The following CDK14 variants were observed in gnomAD, a reference collection of about 807,000 sequenced individuals.
The protein encoded by CDK14 is cyclin-dependent kinase 14.
CDK14 carries 34 observed loss-of-function variants against 60.7 expected under a neutral mutation model. The observed-to-expected ratio is 0.56, with a 90% CI of 0.43 to 0.75. The LOEUF (loss-of-function observed/expected upper bound fraction) is 0.75, where lower values mean the gene tolerates loss of function less well. Among genes scored for constraint, CDK14 ranks in the 30% least tolerant of loss-of-function variants. CDK14 has a pLI of 0.00. For synonymous variants in CDK14, 197 were observed against 203.7 expected (o/e 0.97, Z 0.28); for missense variants, 482 against 564.1 (o/e 0.85, Z 1.47).
intron 14 of CDK14, among the ~76,000 whole-genome samples, chr7:91,131,518 T>C (rs1230372371): frequency 6.6e-6 from 1 of 152,122 alleles, no homozygotes; most frequent in Non-Finnish European, 1.5e-5. Flanking sequence ...AACAAGGCTG[T>C]CTAATGTCAG....
intron 5 of CDK14, among the ~76,000 whole-genome samples, chr7:90,820,641 C>G (rs1220612680): frequency 6.6e-6 from 1 of 152,164 alleles, no homozygotes; most frequent in Non-Finnish European, 1.5e-5. Flanking sequence ...TACCCAGTCT[C>G]AGGTAGTTCT....
intron 5 of CDK14, among the ~76,000 whole-genome samples, chr7:90,815,600 A>G (rs1471672920): frequency 1.3e-5 from 2 of 151,328 alleles, no homozygotes; most frequent in African/African-American, 2.4e-5. Context: ...TCATTTTACT[A>G]TAAAGACACA....
chr7:90,931,037 A>G (rs1793577291), intron 8 of CDK14, among the ~76,000 whole-genome samples: 1 of 152,182 alleles, frequency 6.6e-6, no homozygotes, highest in African/African-American at 2.4e-5. Flanking sequence ...GATTTTTATT[A>G]TGATCAGTGA....
intron 6 of CDK14, 65 bp from the exon 7 acceptor site, chr7:90,899,226 G>A: frequency 3.8e-6 from 5 of 1,300,198 alleles, no homozygotes; most frequent in Non-Finnish European, 5.3e-6. Context: ...TTTGAAGTAG[G>A]AAAATATTGA....
intron 4 of CDK14, among the ~76,000 whole-genome samples, chr7:90,779,314 A>G (rs1273491350): frequency 6.6e-6 from 1 of 152,148 alleles, no homozygotes; most frequent in East Asian, 1.9e-4. Flanking sequence ...AGTGCGTGGT[A>G]CAATCATAGC....
intron 6 of CDK14, among the ~76,000 whole-genome samples, chr7:90,873,091 A>G (rs1266571972): frequency 6.6e-6 from 1 of 152,172 alleles, no homozygotes; most frequent in Non-Finnish European, 1.5e-5. Flanking sequence ...ATATGTCTTA[A>G]GAAAACAATA....
At chr7:91,063,073 T>G (rs867175876) in intron 11 of CDK14, among the ~76,000 whole-genome samples, 1 of 152,172 alleles carries the variant, frequency 6.6e-6, no homozygotes, top group Non-Finnish European at 1.5e-5. Flanking sequence ...TATCATCCAC[T>G]CATGAAAGTT....
intron 2 of CDK14, among the ~76,000 whole-genome samples, chr7:90,717,938 C>T (rs140015419): frequency 1.3e-5 from 2 of 152,030 alleles, no homozygotes; most frequent in Middle Eastern, 3.4e-3. Flanking sequence ...GAGCTCCCCC[C>T]ACCCCACCAA....
At chr7:91,199,350 A>G (rs1340097013) in intron 14 of CDK14, among the ~76,000 whole-genome samples, 1 of 152,168 alleles carries the variant, frequency 6.6e-6, no homozygotes, top group Non-Finnish European at 1.5e-5. Flanking sequence ...AAAAGATTAA[A>G]CATGCCTTGG....
chr7:90,876,547 A>G (rs916896988), intron 6 of CDK14, among the ~76,000 whole-genome samples: 1 of 152,140 alleles, frequency 6.6e-6, no homozygotes, highest in African/African-American at 2.4e-5. Flanking sequence ...GAGCCTTTTG[A>G]TTGTTCTCCG....
chr7:90,985,229 A>G (rs1795339953), intron 10 of CDK14, among the ~76,000 whole-genome samples: 1 of 152,172 alleles, frequency 6.6e-6, no homozygotes, highest in South Asian at 2.1e-4. Flanking sequence ...TTCTGGAGCC[A>G]GACTATCTGG....
intron 12 of CDK14, among the ~76,000 whole-genome samples, chr7:91,101,865 AT>A (rs1487338647): frequency 1.6e-5 from 2 of 122,850 alleles, no homozygotes; most frequent in Non-Finnish European, 4.1e-5. Flanking sequence ...AAAGTAAGTC[AT>A]TTTTTGAAAA....
intron 2 of CDK14, among the ~76,000 whole-genome samples, chr7:90,662,573 T>G (rs1441246018): frequency 6.6e-6 from 1 of 152,252 alleles, no homozygotes; most frequent in Admixed American, 6.5e-5. Context: ...AGTTAACCTC[T>G]CTGTGCTTCA....
intron 6 of CDK14, among the ~76,000 whole-genome samples, chr7:90,896,280 G>A (rs115475853): frequency 0.01 from 1,524 of 151,554 alleles, 24 homozygotes; most frequent in African/African-American, 0.035. Flanking sequence ...TTAACTTTTT[G>A]TACATTTTTA....
intron 14 of CDK14, among the ~76,000 whole-genome samples, chr7:91,152,414 G>A (rs1800852278): frequency 6.6e-6 from 1 of 152,160 alleles, no homozygotes; most frequent in African/African-American, 2.4e-5. Flanking sequence ...AGTGGATATA[G>A]AACATATTCT....
At chr7:91,099,893 G>A (rs1799104513) in intron 12 of CDK14, among the ~76,000 whole-genome samples, 1 of 152,122 alleles carries the variant, frequency 6.6e-6, no homozygotes, top group Non-Finnish European at 1.5e-5. Context: ...ATGCTGACTT[G>A]TGAGGTTAGA....
At chr7:90,974,759 G>A (rs996698617) in intron 9 of CDK14, among the ~76,000 whole-genome samples, 1 of 152,110 alleles carries the variant, frequency 6.6e-6, no homozygotes. Flanking sequence ...TGCATCAAAT[G>A]CAGATTTTTT....
At chr7:91,175,518 T>G (rs1801704606) in intron 14 of CDK14, among the ~76,000 whole-genome samples, 1 of 152,130 alleles carries the variant, frequency 6.6e-6, no homozygotes, top group South Asian at 2.1e-4. Context: ...ACTGGCAAAT[T>G]GAATAAAGAG....
chr7:90,596,663 G>T lies in CDK14; in HGVS notation c.36G>T (p.Lys12Asn), dbSNP rs752104845. The T allele has an allele frequency of 2.5e-6, 4 of 1,612,252 alleles. No homozygotes were observed. The Admixed American group carries it at 5.0e-5, about 20-fold the overall frequency. The stretch of plus-strand genomic sequence containing the variant: ...TCATTGAGCCGCAGCCGGCCGAGAA[G>T]ATCGGCAAGATGAAGAAGTTGCGGA... ...CDLIEPQPAE[K>N]IGKMKKLRRT... Residue 12 changes from lysine (K) to asparagine (N), a missense_variant, in exon 1 of 15, where the codon AAG (lysine) becomes AAT (asparagine). Transcript: ENST00000380050.
Sources: gnomAD v4.1 joint callset for allele counts (sites outside exome capture counted in the v4.1 genomes callset) on GRCh38, gnomAD v4.1.1 for gene constraint, MANE v1.5 for transcripts, NCBI Gene and HGNC (gene_info 2026-07-23, HGNC 2026-07-21) for gene names.